Variants in R3HDML observed in about 807,000 individuals in gnomAD.
The protein encoded by R3HDML is R3H domain containing like.
A neutral mutation model predicts 24.2 loss-of-function variants in R3HDML; 21 were observed. The observed-to-expected ratio is 0.87, with a 90% CI of 0.62 to 1.25. The LOEUF is 1.25. Among genes scored for constraint, R3HDML ranks in the 50% most tolerant of loss-of-function variants. The probability of loss-of-function intolerance (pLI) is 0.00; values close to 1 mark genes in which losing one functional copy is unlikely to be tolerated. For missense variants in R3HDML, 301 were observed against 340.3 expected (o/e 0.88, Z 0.91); for synonymous variants, 133 against 131.5 (o/e 1.01, Z -0.08).
At chr20:44,345,908 T>C (rs1361613628) in intron 4 of R3HDML, among the ~76,000 whole-genome samples, 1 of 151,706 alleles carries the variant, frequency 6.6e-6, no homozygotes, top group Non-Finnish European at 1.5e-5. Context: ...CAGCCTCCAC[T>C]TCCCAGGTTC....
At position 44,350,746 on chromosome 20, in the gene R3HDML, A is replaced by G; in HGVS notation, c.716A>G (p.Asn239Ser). 6.2e-7 allele frequency: 1 copy of G among 1,614,132 alleles called. No individual in the cohort carries two copies. The highest frequency in any genetic ancestry group is 8.5e-7 in the Non-Finnish European group (1 of 1,180,020). Residue 239 changes from asparagine (N) to serine (S), a missense_variant, in exon 5 of 5, where the codon AAC (asparagine) becomes AGC (serine). Coordinates refer to ENST00000217043, the MANE Select transcript of R3HDML (RefSeq NM_178491.4). ...AGTTATCAAGGCAGCTGCAATAGCA[A>G]CATGTGCTTCAAGGGGCTGAAATCC... ...PPSYQGSCNS[N>S]MCFKGLKSNK...
intron 2 of R3HDML, among the ~76,000 whole-genome samples, chr20:44,341,966 C>T (rs2062773522): frequency 6.6e-6 from 1 of 152,058 alleles, no homozygotes; most frequent in South Asian, 2.1e-4. Flanking sequence ...GCAAACCCAC[C>T]CTTCTGGCCT....
Position 44,337,049 on chromosome 20 carries a change from TG to T in R3HDML, c.-106del. 1 of 1,376,552 alleles carries T rather than the reference TG, an allele frequency of 7.3e-7. No homozygotes were observed. The highest frequency in any genetic ancestry group is 9.8e-7 in the Non-Finnish European group (1 of 1,022,488). The allele number at this position is 1,376,552 out of a possible 1,614,324, so 85.3% of individuals were successfully genotyped here. On this transcript the variant is annotated 5_prime_UTR_variant, in exon 1 of 5. Transcript: ENST00000217043. This position sits in a 1 kb window ranked among gnomAD's most constrained non-coding sequence, Gnocchi z 4.7. Reference sequence around the variant, plus strand: ...CAAGTTCCCAGGAGGCAGCATCCTCTGGGTCGGCACTGTTGGAGAACGCTCA... The same window carrying T: ...CAAGTTCCCAGGAGGCAGCATCCTCTGGTCGGCACTGTTGGAGAACGCTCA...
rs749580720 is a variant in R3HDML, at chr20:44,341,221, C to A, written c.287C>A (p.Ala96Asp). 2 of 1,613,832 alleles carry A rather than the reference C, an allele frequency of 1.2e-6. No homozygotes were observed. Residue 96 changes from alanine to aspartate, a missense_variant, in exon 2 of 5, where the codon GCT becomes GAT. Physicochemically the swap from Ala to Asp is moderately radical, Grantham distance 126. Coordinates refer to ENST00000217043, the MANE Select transcript of R3HDML (RefSeq NM_178491.4). The stretch of plus-strand genomic sequence containing the variant: ...GTCTGGGACAAGCGGCTGGCCAGGG[C>A]TGCCGAAGCCTGGGCCACCCAGTGC... ...YMVWDKRLARAAEAWATQCIW... is the reference protein window; with the variant it reads ...YMVWDKRLARDAEAWATQCIW...
chr20:44,350,991 C>T lies in R3HDML; in HGVS notation c.*199C>T, dbSNP rs2062810026. 1.8e-6 allele frequency: 1 copy of T among 548,306 alleles called. No individual in the cohort carries two copies. Among genetic ancestry groups the T allele is most frequent in the African/African-American group, 1.9e-5 (1 of 51,322 alleles). 34.0% of individuals were successfully genotyped at this position (548,306 alleles called of 1,614,324 possible). ...ATGACCTCCTTGCCTTCCTTCTTTC[C>T]TAGTTGCATCTTTCTTTTCTTGGGC... On this transcript the variant is annotated 3_prime_UTR_variant, in exon 5 of 5. Coordinates refer to ENST00000217043, the MANE Select transcript of R3HDML (RefSeq NM_178491.4).
At chr20:44,344,332 C>T (rs566714870) in intron 3 of R3HDML, among the ~76,000 whole-genome samples, 3 of 151,284 alleles carry the variant, frequency 2.0e-5, no homozygotes, top group African/African-American at 7.3e-5. Context: ...GTCCCAGCTA[C>T]GTGGGAGGCT....
Position 44,350,945 on chromosome 20 carries a change from T to A in R3HDML, c.*153T>A. 1.2e-6 allele frequency: 1 copy of A among 802,308 alleles called. No homozygotes were observed. Among genetic ancestry groups the A allele is most frequent in the Non-Finnish European group, 1.9e-6 (1 of 518,022 alleles). The allele number at this position is 802,308 out of a possible 1,614,324, so 49.7% of individuals were successfully genotyped here. A position where few individuals can be genotyped will look rare whatever the true frequency, so the allele number is the denominator to read the frequency against. On this transcript the variant is annotated 3_prime_UTR_variant, in exon 5 of 5. Transcript: ENST00000217043. ...CCCTCCTAGATCCCCTTCTTAAATG[T>A]CCAACATGGGTCAAAAGAAAATGAC...
intron 1 of R3HDML, 70 bp from the exon 2 acceptor site, chr20:44,341,126 G>A (rs1229593499): frequency 5.5e-5 from 70 of 1,274,220 alleles, no homozygotes; most frequent in Non-Finnish European, 7.1e-5. Context: ...AGGTAAATGT[G>A]CATCTCTGGA....
Position 44,340,701 on chromosome 20 carries a change from G to A in R3HDML, c.262-495G>A, listed in dbSNP as rs145853083. Reference sequence around the variant, plus strand: ...CTCAGGAGGCTGAGGTGGGAGGATCGCCTCTCACCTCACCACCTCCCACTG... The same window carrying A: ...CTCAGGAGGCTGAGGTGGGAGGATCACCTCTCACCTCACCACCTCCCACTG... On this transcript the variant is annotated intron_variant, in intron 1 of 4. Transcript: ENST00000217043. Among the ~76,000 whole-genome samples the A allele has an allele frequency of 9.0e-3, 1,364 of 152,150 alleles. 25 individuals carry two copies. Among genetic ancestry groups the A allele is most frequent in the African/African-American group, 0.032 (1,311 of 41,518 alleles).
intron 1 of R3HDML, 86 bp from the exon 2 acceptor site, chr20:44,341,110 G>T: frequency 2.7e-6 from 3 of 1,105,062 alleles, no homozygotes; most frequent in South Asian, 1.4e-5. Flanking sequence ...GGGTAGAAAC[G>T]GCACCAGGTA....
chr20:44,350,656 C>T lies in R3HDML; in HGVS notation c.630-4C>T. On this transcript the variant is annotated splice_polypyrimidine_tract_variant and splice_region_variant and intron_variant, in intron 4 of 4. Coordinates refer to ENST00000217043, the MANE Select transcript of R3HDML (RefSeq NM_178491.4). The stretch of plus-strand genomic sequence containing the variant: ...CTGTCTCCCTGGGTCCTTTTCTCTT[C>T]CAGGGGCAACTGGATTGGCGAGTCC... The T allele has an allele frequency of 6.2e-7, 1 of 1,612,412 alleles. No homozygotes were observed.
At chr20:44,338,153 G>A (rs1483468509) in intron 1 of R3HDML, among the ~76,000 whole-genome samples, 1 of 152,232 alleles carries the variant, frequency 6.6e-6, no homozygotes, top group Non-Finnish European at 1.5e-5. Context: ...CCAGCCTAGA[G>A]GGATGGGTTT....
intron 2 of R3HDML, among the ~76,000 whole-genome samples, chr20:44,342,559 C>T (rs2062775040): frequency 6.6e-6 from 1 of 152,134 alleles, no homozygotes; most frequent in Admixed American, 6.5e-5. Flanking sequence ...GCTGTGCTGT[C>T]GTAAATTATG....
chr20:44,337,317 C>T lies in R3HDML; in HGVS notation c.160C>T (p.Arg54Trp), dbSNP rs777506148. 19 of 1,614,088 alleles carry T rather than the reference C, an allele frequency of 1.2e-5. No homozygotes were observed. Among genetic ancestry groups the T allele is most frequent in the East Asian group, 2.2e-5 (1 of 44,904 alleles). ...TGGCCTGGAGGTGCCCAGGTACCGCCGGAAGCGCCACATCTCTGTGAGAGA... is the reference window on the plus strand; with the variant it reads ...TGGCCTGGAGGTGCCCAGGTACCGCTGGAAGCGCCACATCTCTGTGAGAGA... ...LSGLEVPRYR[R>W]KRHISVRDMN... The change falls in exon 1 of 5, where the codon CGG becomes TGG. Residue 54 changes from arginine to tryptophan, a missense_variant. Physicochemically the swap from Arg to Trp is moderately radical, Grantham distance 101. Transcript: ENST00000217043. This position sits in a 1 kb window ranked among gnomAD's most constrained non-coding sequence, Gnocchi z 4.7.
intron 2 of R3HDML, among the ~76,000 whole-genome samples, chr20:44,341,835 A>AG (rs1350090305): frequency 1.1e-4 from 17 of 152,180 alleles, no homozygotes; most frequent in African/African-American, 3.6e-4. Context: ...TGGTGAGCTG[A>AG]GGTTGCGCCA....
Position 44,343,365 on chromosome 20 carries a change from C to T in R3HDML, c.381-12C>T. The T allele has an allele frequency of 6.2e-7, 1 of 1,607,190 alleles. No homozygotes were observed. Among genetic ancestry groups the T allele is most frequent in the Non-Finnish European group, 8.5e-7 (1 of 1,177,250 alleles). On this transcript the variant is annotated splice_polypyrimidine_tract_variant and intron_variant, in intron 2 of 4. Coordinates refer to ENST00000217043, the MANE Select transcript of R3HDML (RefSeq NM_178491.4). Reference sequence around the variant, plus strand: ...TCTCACCCAGCTTCTTCCGTGTCCCCCGCCTCCCCAGGTACCGGTCCGTAG... The same window carrying T: ...TCTCACCCAGCTTCTTCCGTGTCCCTCGCCTCCCCAGGTACCGGTCCGTAG...
chr20:44,337,837 TC>T lies in R3HDML; in HGVS notation c.261+423del, dbSNP rs1205153794. Among the ~76,000 whole-genome samples the T allele has an allele frequency of 2.6e-5, 4 of 152,124 alleles. No homozygotes were observed. Among genetic ancestry groups the T allele is most frequent in the Non-Finnish European group, 5.9e-5 (4 of 67,996 alleles). The stretch of plus-strand genomic sequence containing the variant: ...CAATCCCCTACCCAAGAATTTTGGC[TC>T]CCCACACTGGGGACCTGCATGGGGT... On this transcript the variant is annotated intron_variant, in intron 1 of 4. Coordinates refer to ENST00000217043, the MANE Select transcript of R3HDML (RefSeq NM_178491.4). This position sits in a 1 kb window ranked among gnomAD's most constrained non-coding sequence, Gnocchi z 4.7.
Position 44,343,378 on chromosome 20 carries a change from T to C in R3HDML, c.382T>C (p.Tyr128His), listed in dbSNP as rs749449372. 1.9e-5 allele frequency: 31 copies of C among 1,608,534 alleles called. No individual in the cohort carries two copies. The African/African-American group carries it at 2.5e-4, about 13-fold the overall frequency. ...GQNLSIHSGQYRSVVDLMKSW... is the reference protein window; with the variant it reads ...GQNLSIHSGQHRSVVDLMKSW... ...CTTCCGTGTCCCCCGCCTCCCCAGG[T>C]ACCGGTCCGTAGTGGATCTCATGAA... Residue 128 changes from tyrosine to histidine, a missense_variant and splice_region_variant, in exon 3 of 5, where the codon TAC becomes CAC. Transcript: ENST00000217043.
At position 44,343,366 on chromosome 20, in the gene R3HDML, C is replaced by A; in HGVS notation, c.381-11C>A. 1 of 1,606,816 alleles carries A rather than the reference C, an allele frequency of 6.2e-7. No homozygotes were observed. Among genetic ancestry groups the A allele is most frequent in the East Asian group, 2.3e-5 (1 of 44,236 alleles). ...CTCACCCAGCTTCTTCCGTGTCCCC[C>A]GCCTCCCCAGGTACCGGTCCGTAGT... On this transcript the variant is annotated splice_polypyrimidine_tract_variant and intron_variant, in intron 2 of 4. Transcript: ENST00000217043.
Sources: allele counts gnomAD v4.1 joint callset (sites outside exome capture counted in the v4.1 genomes callset), GRCh38; gene constraint gnomAD v4.1.1; non-coding constraint Gnocchi (gnomAD v3.1); transcripts MANE v1.5; gene names NCBI Gene and HGNC (gene_info 2026-07-23, HGNC 2026-07-21).